DENND2B: variants seen among roughly 807,000 people sequenced by gnomAD.
DENND2B encodes the protein DENN domain containing 2B, also known as DENN domain-containing protein 2B.
DENND2B carries 32 observed loss-of-function variants against 116.0 expected under a neutral mutation model. That is an observed-to-expected ratio of 0.28 (90% CI 0.21 to 0.37). The LOEUF (loss-of-function observed/expected upper bound fraction) is 0.37. Ranked by LOEUF, DENND2B falls within the 10% of genes least tolerant of loss-of-function variation. DENND2B has a pLI of 1.00. For synonymous variants in DENND2B, 588 were observed against 583.9 expected, an observed-to-expected ratio of 1.01 and a Z score of -0.10; for missense variants, 1,276 against 1,477.7, an observed-to-expected ratio of 0.86 and a Z score of 2.24.
chr11:8,720,932 G>A (rs1169384219), intron 4 of DENND2B, among the ~76,000 whole-genome samples: 4 of 152,142 alleles, frequency 2.6e-5, no homozygotes, highest in African/African-American at 9.7e-5. Flanking sequence ...TTCAGCAGGG[G>A]CATGAATGGG....
At chr11:8,766,679 C>A (rs186448132) in intron 1 of DENND2B, 19 of 1,289,038 alleles carry the variant, frequency 1.5e-5, no homozygotes, top group Non-Finnish European at 1.9e-5. Context: ...ATGCGCCCCA[C>A]CTCCATTCTT....
At chr11:8,754,029 G>GTGCACACACACACACACACA in intron 1 of DENND2B, among the ~76,000 whole-genome samples, 1 of 138,734 alleles carries the variant, frequency 7.2e-6, no homozygotes, top group Non-Finnish European at 1.5e-5. Context: ...CCAAAAGCGC[G>GTGCACACACACACACACACA]CACACACACA....
intron 1 of DENND2B, among the ~76,000 whole-genome samples, chr11:8,898,790 A>C (rs948687744): frequency 6.6e-6 from 1 of 152,258 alleles, no homozygotes; most frequent in African/African-American, 2.4e-5. Context: ...CTCTGATCTA[A>C]AATGTTCAGT....
At chr11:8,701,496 C>G (rs1039879999) in intron 14 of DENND2B, among the ~76,000 whole-genome samples, 1 of 151,920 alleles carries the variant, frequency 6.6e-6, no homozygotes. Flanking sequence ...GCTTTGGAGC[C>G]TCTCTCCCTC....
At chr11:8,719,959 T>C (rs2133859454) in intron 4 of DENND2B, among the ~76,000 whole-genome samples, 1 of 152,250 alleles carries the variant, frequency 6.6e-6, no homozygotes, top group East Asian at 1.9e-4. Flanking sequence ...ATTCTTGTTG[T>C]GGTAGACTGT....
chr11:8,861,221 A>C (rs754977301), intron 2 of DENND2B, among the ~76,000 whole-genome samples: 7 of 152,238 alleles, frequency 4.6e-5, no homozygotes, highest in Non-Finnish European at 1.0e-4. Context: ...TCTGCACAGC[A>C]AAAGAAATAA....
intron 3 of DENND2B, among the ~76,000 whole-genome samples, chr11:8,728,004 C>G (rs903237172): frequency 2.4e-4 from 21 of 87,468 alleles, no homozygotes; most frequent in Non-Finnish European, 4.1e-4. Flanking sequence ...CACACACACA[C>G]ACACGCAAAT....
At position 8,804,072 on chromosome 11, in the gene DENND2B, A is replaced by G. The variant is rs553487104; in HGVS notation, c.-26+6445T>C. On this transcript the variant is annotated intron_variant, in intron 1 of 19. Transcript: ENST00000313726. ...CGTCTGTGAGGAGTGAGCATCCCAC[A>G]GCAGGAGGAAAGAGCTGAACCTGTG... 5.3e-5 allele frequency among the ~76,000 whole-genome samples: 8 copies of G among 152,350 alleles called. No individual in the cohort carries two copies. In the South Asian group the frequency reaches 1.7e-3, roughly 32 times the overall value.
rs780172522 is a variant in DENND2B at position 8,731,039 on chromosome 11, G to A, written c.251C>T (p.Ser84Phe). Residue 84 changes from serine to phenylalanine, a missense_variant, in exon 3 of 20, where the codon TCC becomes TTC. By Grantham distance (155) the Ser-to-Phe change is radical. Around this residue, in one of 2 missense-constraint regions of DENND2B, gnomAD observed 856 missense variants for 846.6 expected, o/e 1.01. Transcript: ENST00000313726. ...ACAGGTGGGTGGGGAAGTATCTGGGGAGGGATCTTGAGGATTCTGGGGTGA... is the reference window on the plus strand; with the variant it reads ...ACAGGTGGGTGGGGAAGTATCTGGGAAGGGATCTTGAGGATTCTGGGGTGA... ...APSPQNPQDP[S>F]PDTSPPTCPF... 3 of 1,614,122 alleles carry A rather than the reference G, an allele frequency of 1.9e-6. No individual in the cohort carries two copies. Among genetic ancestry groups the A allele is most frequent in the South Asian group, 1.1e-5 (1 of 91,088 alleles).
chr11:8,758,688 C>T (rs928513487), intron 1 of DENND2B, among the ~76,000 whole-genome samples: 3 of 152,192 alleles, frequency 2.0e-5, no homozygotes, highest in Admixed American at 2.0e-4. Context: ...TGTGTGCACT[C>T]CTATATGACA....
chr11:8,783,791 T>C (rs2058628754), intron 1 of DENND2B, among the ~76,000 whole-genome samples: 1 of 152,058 alleles, frequency 6.6e-6, no homozygotes, highest in African/African-American at 2.4e-5. Flanking sequence ...GAGGGAGATA[T>C]CATAGACAGA....
intron 1 of DENND2B, among the ~76,000 whole-genome samples, chr11:8,797,508 C>T (rs1222107223): frequency 3.5e-5 from 5 of 141,492 alleles, no homozygotes; most frequent in African/African-American, 1.3e-4. Context: ...CCCCTTCTTC[C>T]CACTTCCCTC....
At chr11:8,766,540 CAG>C in intron 1 of DENND2B, 3 of 1,077,288 alleles carry the variant, frequency 2.8e-6, no homozygotes, top group Non-Finnish European at 3.7e-6. Flanking sequence ...TCCAAAGAGA[CAG>C]GGAGCAATGG....
chr11:8,715,460 G>A (rs1233865343), intron 6 of DENND2B, 143 bp downstream of exon 6: 6 of 771,294 alleles, frequency 7.8e-6, no homozygotes, highest in Non-Finnish European at 1.2e-5. Context: ...AAAGAGGCCA[G>A]TGCACGGACC....
At chr11:8,700,069 G>T (rs6483729) in intron 14 of DENND2B, 29 of 451,862 alleles carry the variant, frequency 6.4e-5, no homozygotes, top group Non-Finnish European at 1.1e-4. Context: ...TGGCCTGGGG[G>T]GGGGCAGGGT....
intron 4 of DENND2B, among the ~76,000 whole-genome samples, chr11:8,827,707 TTTGTTTTGTTG>T (rs1271717309): frequency 2.6e-5 from 4 of 152,284 alleles, no homozygotes; most frequent in African/African-American, 9.6e-5. Context: ...TGAAGTGTTT[TTTGTTTTGTTG>T]TTGTTTTAGT....
At chr11:8,711,306 C>G in intron 9 of DENND2B, 75 bp from the exon 10 acceptor site, 1 of 1,301,626 alleles carries the variant, frequency 7.7e-7, no homozygotes, top group East Asian at 2.3e-5. Flanking sequence ...CCCCTCCTCC[C>G]CTGAGGGCCC....
chr11:8,815,031 T>C (rs1180331729), upstream of DENND2B, among the ~76,000 whole-genome samples: 1 of 152,046 alleles, frequency 6.6e-6, no homozygotes, highest in Non-Finnish European at 1.5e-5. Context: ...GGGGCTGCCC[T>C]CCAGGGTTTT....
intron 14 of DENND2B, among the ~76,000 whole-genome samples, chr11:8,701,993 C>G (rs1315955871): frequency 6.6e-6 from 1 of 152,176 alleles, no homozygotes; most frequent in Admixed American, 6.5e-5. Context: ...GCCTTCCTCA[C>G]CCACTCTCCT....
Sources: allele counts gnomAD v4.1 joint callset (sites outside exome capture counted in the v4.1 genomes callset), GRCh38; gene constraint gnomAD v4.1.1; regional missense constraint gnomAD v4.1.1; transcripts MANE v1.5; gene names NCBI Gene and HGNC (gene_info 2026-07-23, HGNC 2026-07-21).